KCNIP4: variants seen among roughly 807,000 people sequenced by gnomAD.
KCNIP4 encodes Kv channel-interacting protein 4.
In KCNIP4, 12 loss-of-function variants were observed where a neutral mutation model predicts 34.0. That is an observed-to-expected ratio of 0.35 (90% CI 0.23 to 0.57). KCNIP4 has a LOEUF of 0.57. KCNIP4 is among the 20% of genes least tolerant of loss of function. The pLI is 0.83. For synonymous variants in KCNIP4, 124 were observed against 102.2 expected, an observed-to-expected ratio of 1.21 and a Z score of -1.29; for missense variants, 238 against 311.7, an observed-to-expected ratio of 0.76 and a Z score of 1.78.
chr4:21,912,451 A>G (rs1412090497), intron 1 of KCNIP4, among the ~76,000 whole-genome samples: 1 of 152,240 alleles, frequency 6.6e-6, no homozygotes, highest in Non-Finnish European at 1.5e-5. Flanking sequence ...GGAGTTTACA[A>G]TCTAGTGTAG....
At chr4:20,928,436 C>T (rs986459409) in intron 1 of KCNIP4, among the ~76,000 whole-genome samples, 1 of 151,580 alleles carries the variant, frequency 6.6e-6, no homozygotes, top group Non-Finnish European at 1.5e-5. Flanking sequence ...AATGACAACA[C>T]AACATATCAA....
At chr4:20,960,856 G>T (rs925692308) in intron 1 of KCNIP4, among the ~76,000 whole-genome samples, 1 of 152,128 alleles carries the variant, frequency 6.6e-6, no homozygotes, top group Non-Finnish European at 1.5e-5. Context: ...TGTAAGAAGG[G>T]GCAAGAGGTG....
At chr4:20,967,511 G>A (rs1435582988) in intron 1 of KCNIP4, among the ~76,000 whole-genome samples, 1 of 152,144 alleles carries the variant, frequency 6.6e-6, no homozygotes, top group African/African-American at 2.4e-5. Flanking sequence ...GAGGCATCAT[G>A]CTACCTGACT....
chr4:20,860,270 G>C (rs909560308), intron 2 of KCNIP4, among the ~76,000 whole-genome samples: 1 of 152,036 alleles, frequency 6.6e-6, no homozygotes, highest in Admixed American at 6.6e-5. Context: ...CTTCCAAGTA[G>C]CTGGAATTAC....
rs780139030 is a variant in KCNIP4, at chr4:21,736,835, G to A, written c.61+211736C>T. ...CACACAGTGTTCATTAAAAGCTTGCGCTCAATGTATATGAGTGACTAATCT... is the reference window on the plus strand; with the variant it reads ...CACACAGTGTTCATTAAAAGCTTGCACTCAATGTATATGAGTGACTAATCT... On this transcript the variant is annotated intron_variant, in intron 1 of 8. Coordinates refer to ENST00000382152, the MANE Select transcript of KCNIP4 (RefSeq NM_025221.6). 5.3e-5 allele frequency among the ~76,000 whole-genome samples: 8 copies of A among 152,174 alleles called. No homozygotes were observed. The South Asian group carries it at 6.2e-4, about 12-fold the overall frequency.
intron 1 of KCNIP4, among the ~76,000 whole-genome samples, chr4:21,146,852 C>A (rs992837895): frequency 7.2e-5 from 11 of 151,940 alleles, no homozygotes; most frequent in African/African-American, 2.7e-4. Context: ...ATTTTTTATT[C>A]TTTTGCTCTA....
intron 1 of KCNIP4, among the ~76,000 whole-genome samples, chr4:21,051,669 C>T (rs1259943651): frequency 6.6e-6 from 1 of 151,976 alleles, no homozygotes; most frequent in African/African-American, 2.4e-5. Flanking sequence ...GCCCTGAACA[C>T]AAAACTTTAA....
chr4:21,493,584 C>G (rs1214940301), intron 1 of KCNIP4, among the ~76,000 whole-genome samples: 1 of 152,178 alleles, frequency 6.6e-6, no homozygotes, highest in Non-Finnish European at 1.5e-5. Context: ...CTGGATTAGC[C>G]TTTGAGTTTC....
At chr4:20,910,771 G>A (rs1728251796) in intron 1 of KCNIP4, among the ~76,000 whole-genome samples, 1 of 152,088 alleles carries the variant, frequency 6.6e-6, no homozygotes, top group South Asian at 2.1e-4. Flanking sequence ...CTTAGTGTTT[G>A]TAAAGCAATC....
intron 4 of KCNIP4, among the ~76,000 whole-genome samples, chr4:20,756,953 T>C (rs1669107153): frequency 6.6e-6 from 1 of 152,108 alleles, no homozygotes; most frequent in African/African-American, 2.4e-5. Flanking sequence ...ATTTAACCAC[T>C]ACTTCTTGAT....
At chr4:21,029,988 G>A (rs1165006460) in intron 1 of KCNIP4, among the ~76,000 whole-genome samples, 1 of 152,042 alleles carries the variant, frequency 6.6e-6, no homozygotes, top group Non-Finnish European at 1.5e-5. Context: ...AAAACTTGGA[G>A]TTATTTAAAA....
chr4:21,871,899 G>C (rs1337027006), intron 1 of KCNIP4, among the ~76,000 whole-genome samples: 1 of 151,466 alleles, frequency 6.6e-6, no homozygotes, highest in Non-Finnish European at 1.5e-5. Flanking sequence ...ATTCAGGGTT[G>C]AGCCCAGTCT....
intron 1 of KCNIP4, among the ~76,000 whole-genome samples, chr4:21,640,128 T>G (rs1746503895): frequency 1.3e-5 from 2 of 152,202 alleles, no homozygotes; most frequent in Admixed American, 1.3e-4. Flanking sequence ...TTCTAGGAAC[T>G]CTATCATCAA....
chr4:20,746,454 T>C (rs991610952), intron 5 of KCNIP4, among the ~76,000 whole-genome samples: 6 of 152,032 alleles, frequency 3.9e-5, no homozygotes, highest in African/African-American at 1.4e-4. Flanking sequence ...CAAACCACCA[T>C]GGCACGTGTA....
chr4:21,883,830 C>A (rs550519535), intron 1 of KCNIP4, among the ~76,000 whole-genome samples: 1 of 152,178 alleles, frequency 6.6e-6, no homozygotes, highest in Admixed American at 6.6e-5. Flanking sequence ...GATGAAACAA[C>A]CTTCAAATCG....
chr4:21,935,625 C>A (rs889545302), intron 1 of KCNIP4, among the ~76,000 whole-genome samples: 3 of 152,020 alleles, frequency 2.0e-5, no homozygotes. Context: ...CCAGATTTAT[C>A]CCTTCCAGAG....
At chr4:21,006,225 G>A (rs9999675) in intron 1 of KCNIP4, among the ~76,000 whole-genome samples, 3,561 of 152,244 alleles carry the variant, frequency 0.023, 148 homozygotes, top group African/African-American at 0.081. Flanking sequence ...TGCAGAGGAG[G>A]AAATGGACAC....
chr4:21,577,585 C>T (rs551852884), intron 1 of KCNIP4, among the ~76,000 whole-genome samples: 3 of 152,166 alleles, frequency 2.0e-5, no homozygotes, highest in South Asian at 2.1e-4. Flanking sequence ...GAGCCGAGAT[C>T]GCGCCATTGC....
chr4:21,189,704 A>T (rs1323113879), intron 1 of KCNIP4, among the ~76,000 whole-genome samples: 1 of 152,216 alleles, frequency 6.6e-6, no homozygotes, highest in African/African-American at 2.4e-5. Flanking sequence ...CTCAGTTAAA[A>T]GGTTTTGCCA....
Sources: gnomAD v4.1 joint callset for allele counts (sites outside exome capture counted in the v4.1 genomes callset) on GRCh38, gnomAD v4.1.1 for gene constraint, MANE v1.5 for transcripts, NCBI Gene and HGNC (gene_info 2026-07-23, HGNC 2026-07-21) for gene names.